PLA2G4A: variants seen among roughly 807,000 people sequenced by gnomAD.
The protein encoded by PLA2G4A is cytosolic phospholipase A2.
In PLA2G4A, 40 loss-of-function variants were observed where a neutral mutation model predicts 81.9. That is an observed-to-expected ratio of 0.49 (90% CI 0.38 to 0.64). The LOEUF (loss-of-function observed/expected upper bound fraction) is 0.64, where lower values mean the gene tolerates loss of function less well. Ranked by LOEUF, PLA2G4A falls within the 30% of genes least tolerant of loss-of-function variation. PLA2G4A has a pLI of 0.00. For missense variants in PLA2G4A, 715 were observed against 905.1 expected (o/e 0.79, Z 2.69); for synonymous variants, 302 against 296.9 (o/e 1.02, Z -0.18).
chr1:186,975,234 C>T (rs946800165), intron 15 of PLA2G4A, among the ~76,000 whole-genome samples: 1 of 152,200 alleles, frequency 6.6e-6, no homozygotes, highest in East Asian at 1.9e-4. Flanking sequence ...AAAGCTTTCT[C>T]AAGTTTCAAA....
chr1:186,862,876 G>T (rs570603265), intron 2 of PLA2G4A, among the ~76,000 whole-genome samples: 5 of 152,292 alleles, frequency 3.3e-5, no homozygotes, highest in African/African-American at 1.2e-4. Context: ...CTCAGTCACT[G>T]TTACTCCAGA....
At chr1:186,914,286 A>G (rs933816636) in intron 7 of PLA2G4A, among the ~76,000 whole-genome samples, 1 of 151,688 alleles carries the variant, frequency 6.6e-6, no homozygotes, top group African/African-American at 2.4e-5. Context: ...TTCTTTCTAG[A>G]GATGGGGATC....
intron 5 of PLA2G4A, 127 bp downstream of exon 5, chr1:186,894,338 A>G (rs1654259942): frequency 1.5e-6 from 1 of 645,484 alleles, no homozygotes; most frequent in Admixed American, 2.8e-5. Flanking sequence ...TTTAAAGAGA[A>G]AATTTTGTTT....
chr1:186,932,915 T>A lies in PLA2G4A; in HGVS notation c.695+16T>A. On this transcript the variant is annotated intron_variant, in intron 8 of 17. Transcript: ENST00000367466. ...GCTCCACCTGGTTAGTATACATTTT[T>A]AATTTTAGTTTTATAACTTTAAATA... 1 of 1,583,068 alleles carries A rather than the reference T, an allele frequency of 6.3e-7. No homozygotes were observed. Among genetic ancestry groups the A allele is most frequent in the East Asian group, 2.2e-5 (1 of 44,660 alleles).
chr1:186,899,595 A>C (rs1464275291), intron 5 of PLA2G4A, among the ~76,000 whole-genome samples: 3 of 152,126 alleles, frequency 2.0e-5, no homozygotes, highest in African/African-American at 7.2e-5. Flanking sequence ...GAAGAGGTAC[A>C]CTGGGATGAG....
At chr1:186,895,050 T>C (rs1332631583) in intron 5 of PLA2G4A, among the ~76,000 whole-genome samples, 1 of 152,204 alleles carries the variant, frequency 6.6e-6, no homozygotes, top group Non-Finnish European at 1.5e-5. Flanking sequence ...CTTCTCCATG[T>C]TGCCTTTCCT....
chr1:186,979,518 C>T, intron 17 of PLA2G4A, 46 bp downstream of exon 17: 1 of 1,215,454 alleles, frequency 8.2e-7, no homozygotes, highest in Non-Finnish European at 1.2e-6. Context: ...GACTTCCATA[C>T]CGTATAAATA....
intron 1 of PLA2G4A, among the ~76,000 whole-genome samples, chr1:186,832,387 T>C (rs1423668382): frequency 6.6e-6 from 1 of 152,142 alleles, no homozygotes; most frequent in African/African-American, 2.4e-5. Context: ...AATTGTAAAA[T>C]AGAAATAATA....
At chr1:186,886,267 G>C (rs757103179) in intron 3 of PLA2G4A, among the ~76,000 whole-genome samples, 1 of 152,106 alleles carries the variant, frequency 6.6e-6, no homozygotes, top group Non-Finnish European at 1.5e-5. Context: ...ACGAAGTCCA[G>C]AAACAGACTT....
At chr1:186,897,684 T>G (rs553570975) in intron 5 of PLA2G4A, among the ~76,000 whole-genome samples, 4 of 152,010 alleles carry the variant, frequency 2.6e-5, no homozygotes, top group Non-Finnish European at 5.9e-5. Context: ...AATTTTTGTA[T>G]TTTTAGTAGA....
At chr1:186,883,021 G>A (rs1389568607) in intron 3 of PLA2G4A, among the ~76,000 whole-genome samples, 1 of 151,764 alleles carries the variant, frequency 6.6e-6, no homozygotes, top group Non-Finnish European at 1.5e-5. Flanking sequence ...ATTAATTTTT[G>A]TCTTACATTT....
At chr1:186,866,305 T>A (rs1653028614) in intron 2 of PLA2G4A, among the ~76,000 whole-genome samples, 1 of 152,198 alleles carries the variant, frequency 6.6e-6, no homozygotes, top group African/African-American at 2.4e-5. Flanking sequence ...TGTGCTTACT[T>A]TATTATAGTT....
chr1:186,953,194 G>C (rs929277548), intron 13 of PLA2G4A, among the ~76,000 whole-genome samples: 1 of 152,212 alleles, frequency 6.6e-6, no homozygotes, highest in Non-Finnish European at 1.5e-5. Flanking sequence ...AGCCATGAAT[G>C]AGAGTTCTTG....
chr1:186,908,202 A>C (rs1654810370), intron 6 of PLA2G4A, among the ~76,000 whole-genome samples: 1 of 152,116 alleles, frequency 6.6e-6, no homozygotes, highest in Non-Finnish European at 1.5e-5. Context: ...AATGCATAAA[A>C]GTAAATTAAC....
intron 5 of PLA2G4A, among the ~76,000 whole-genome samples, chr1:186,894,847 A>T (rs536539201): frequency 1.3e-5 from 2 of 152,290 alleles, no homozygotes; most frequent in South Asian, 4.1e-4. Context: ...AACTCATTGG[A>T]TTTTGAATTC....
chr1:186,851,010 T>A (rs1178660326), intron 1 of PLA2G4A, among the ~76,000 whole-genome samples: 4 of 152,050 alleles, frequency 2.6e-5, no homozygotes, highest in Non-Finnish European at 4.4e-5. Flanking sequence ...AAGCAAATCA[T>A]ATGCATTGAA....
intron 7 of PLA2G4A, among the ~76,000 whole-genome samples, chr1:186,926,209 G>T (rs546371605): frequency 3.3e-5 from 5 of 152,304 alleles, no homozygotes; most frequent in Non-Finnish European, 7.3e-5. Flanking sequence ...TTGTGGAAAG[G>T]ATTAGTAAGT....
At chr1:186,966,157 T>C (rs1657122878) in intron 15 of PLA2G4A, among the ~76,000 whole-genome samples, 1 of 150,400 alleles carries the variant, frequency 6.6e-6, no homozygotes, top group Non-Finnish European at 1.5e-5. Flanking sequence ...TTTCTGTAGA[T>C]TGTTCAGGGA....
intron 7 of PLA2G4A, among the ~76,000 whole-genome samples, chr1:186,923,727 G>C (rs1308718832): frequency 3.3e-5 from 5 of 152,198 alleles, no homozygotes; most frequent in Non-Finnish European, 5.9e-5. Flanking sequence ...CTTGCTAGAA[G>C]AAAAAGGAGG....
Sources: gnomAD v4.1 joint callset for allele counts (sites outside exome capture counted in the v4.1 genomes callset) on GRCh38, gnomAD v4.1.1 for gene constraint, MANE v1.5 for transcripts, NCBI Gene and HGNC (gene_info 2026-07-23, HGNC 2026-07-21) for gene names.